Variants in CACHD1 observed in about 807,000 individuals in gnomAD.
The protein encoded by CACHD1 is cache domain containing 1, also known as VWFA and cache domain-containing protein 1.
CACHD1 carries 71 observed loss-of-function variants against 138.7 expected under a neutral mutation model. The observed-to-expected ratio is 0.51, with a 90% CI of 0.42 to 0.62. The LOEUF is 0.62. Among genes scored for constraint, CACHD1 ranks in the 20% least tolerant of loss-of-function variants. The pLI, the probability that CACHD1 is intolerant of heterozygous loss-of-function variation, is 0.00. For synonymous variants in CACHD1, 578 were observed against 591.5 expected, an observed-to-expected ratio of 0.98 and a Z score of 0.33; for missense variants, 1,389 against 1,625.3, an observed-to-expected ratio of 0.85 and a Z score of 2.50.
chr1:64,639,863 C>T (rs60191301), intron 7 of CACHD1, among the ~76,000 whole-genome samples: 24,127 of 152,200 alleles, frequency 0.16, 2,231 homozygotes, highest in East Asian at 0.31. Flanking sequence ...CACAGCATAG[C>T]TGGGTGCCTC....
chr1:64,575,398 A>G (rs1285999659), intron 2 of CACHD1, among the ~76,000 whole-genome samples: 1 of 152,234 alleles, frequency 6.6e-6, no homozygotes, highest in African/African-American at 2.4e-5. Flanking sequence ...TTCTACGAAG[A>G]ACTTCAGAAT....
intron 1 of CACHD1, among the ~76,000 whole-genome samples, chr1:64,514,599 A>G (rs956330014): frequency 6.6e-6 from 1 of 152,222 alleles, no homozygotes; most frequent in Non-Finnish European, 1.5e-5. Flanking sequence ...CCATAGGATC[A>G]TTGGTATTTA....
chr1:64,669,236 T>C (rs1328268861), intron 16 of CACHD1, among the ~76,000 whole-genome samples: 1 of 152,190 alleles, frequency 6.6e-6, no homozygotes, highest in East Asian at 1.9e-4. Flanking sequence ...ACTGATAGGA[T>C]GAGAATTAGA....
chr1:64,476,148 G>A (rs1353720118), intron 1 of CACHD1, among the ~76,000 whole-genome samples: 1 of 152,036 alleles, frequency 6.6e-6, no homozygotes, highest in Non-Finnish European at 1.5e-5. Flanking sequence ...ACACATGAAG[G>A]GTAGCCAAAT....
chr1:64,562,409 C>CTTT (rs55746551), intron 2 of CACHD1, among the ~76,000 whole-genome samples: 3 of 109,926 alleles, frequency 2.7e-5, no homozygotes, highest in African/African-American at 6.4e-5. Flanking sequence ...GCAGAATTTC[C>CTTT]TTTTTTTTTT....
At chr1:64,531,527 GTGTC>G (rs1193547300) in intron 1 of CACHD1, among the ~76,000 whole-genome samples, 3 of 131,288 alleles carry the variant, frequency 2.3e-5, no homozygotes, top group East Asian at 2.2e-4. Context: ...GTGTGTGTGT[GTGTC>G]TGTGTAGGGG....
chr1:64,543,866 CTTT>C (rs370129207), intron 1 of CACHD1, among the ~76,000 whole-genome samples: 47 of 77,508 alleles, frequency 6.1e-4, no homozygotes, highest in African/African-American at 2.1e-3. Context: ...CTTTTCAGTG[CTTT>C]TTTTTTTTTT....
chr1:64,618,462 G>A (rs1193284417), intron 4 of CACHD1, among the ~76,000 whole-genome samples: 1 of 152,106 alleles, frequency 6.6e-6, no homozygotes, highest in Non-Finnish European at 1.5e-5. Flanking sequence ...CTCTCATAGG[G>A]TTGTTGTAGT....
At chr1:64,627,326 G>A (rs898051986) in intron 4 of CACHD1, among the ~76,000 whole-genome samples, 1 of 152,116 alleles carries the variant, frequency 6.6e-6, no homozygotes, top group African/African-American at 2.4e-5. Context: ...AGGATCACTT[G>A]AGCCCAGGAG....
chr1:64,671,833 T>C (rs1649827278), intron 17 of CACHD1, 147 bp downstream of exon 17: 1 of 949,384 alleles, frequency 1.1e-6, no homozygotes, highest in Non-Finnish European at 1.6e-6. Context: ...AGGTTTTTGT[T>C]CTTTTTCTCT....
Position 64,691,514 on chromosome 1 carries a change from C to T in CACHD1, c.3778C>T (p.His1260Tyr), listed in dbSNP as rs1650556252. Residue 1260 changes from histidine (H) to tyrosine (Y), a missense_variant, in exon 27 of 27, where the codon CAC becomes TAC. By Grantham distance (83) the His-to-Tyr change is moderately conservative (BLOSUM62 2). Around this residue, in one of 5 missense-constraint regions of CACHD1, gnomAD observed 78 missense variants for 76.9 expected, o/e 1.01. Coordinates refer to ENST00000651257, the MANE Select transcript of CACHD1 (RefSeq NM_020925.4). ...SHHPTLHHSHHLQAAVTVHTV... is the reference protein window; with the variant it reads ...SHHPTLHHSHYLQAAVTVHTV... ...CCACCCTACACTTCATCATAGCCAC[C>T]ACTTACAGGCGGCCGTCACGGTACA... 2 of 1,614,078 alleles carry T rather than the reference C, an allele frequency of 1.2e-6. No homozygotes were observed. The highest frequency in any genetic ancestry group is 1.7e-6 in the Non-Finnish European group (2 of 1,179,996).
At chr1:64,545,641 C>T (rs539390120) in intron 1 of CACHD1, among the ~76,000 whole-genome samples, 47 of 152,254 alleles carry the variant, frequency 3.1e-4, no homozygotes, top group South Asian at 6.2e-4. Context: ...GGTGCTACTA[C>T]GAGTAGTTTT....
chr1:64,635,173 C>T (rs1229264455), intron 7 of CACHD1, among the ~76,000 whole-genome samples: 1 of 151,850 alleles, frequency 6.6e-6, no homozygotes, highest in Non-Finnish European at 1.5e-5. Context: ...TAGATCATGT[C>T]TGCACTTATG....
At chr1:64,681,760 C>A (rs1650199487) in intron 25 of CACHD1, among the ~76,000 whole-genome samples, 1 of 151,900 alleles carries the variant, frequency 6.6e-6, no homozygotes, top group Non-Finnish European at 1.5e-5. Context: ...TGTTAAGACA[C>A]CCTGGCCTTC....
intron 25 of CACHD1, 25 bp downstream of exon 25, chr1:64,681,360 A>G: frequency 6.4e-7 from 1 of 1,553,716 alleles, no homozygotes; most frequent in South Asian, 1.1e-5. Context: ...GCCTTGCTGC[A>G]GAATGTGTCA....
At position 64,500,770 on chromosome 1, in the gene CACHD1, G is replaced by A. The variant is rs533941327; in HGVS notation, c.198+29828G>A. ...AGAGAGAGAGAGAGAGAGAGAGTCC[G>A]GACGCGGTGGCTCATGCCTGTAATC... On this transcript the variant is annotated intron_variant, in intron 1 of 26. Coordinates refer to ENST00000651257, the MANE Select transcript of CACHD1 (RefSeq NM_020925.4). Among the ~76,000 whole-genome samples the A allele has an allele frequency of 2.7e-5, 4 of 148,132 alleles. No individual in the cohort carries two copies. The East Asian group carries it at 6.0e-4, about 22-fold the overall frequency.
At chr1:64,569,302 A>G (rs944665517) in intron 2 of CACHD1, among the ~76,000 whole-genome samples, 1 of 152,232 alleles carries the variant, frequency 6.6e-6, no homozygotes, top group African/African-American at 2.4e-5. Context: ...ATTTAAAAAT[A>G]TACACCTATG....
At chr1:64,601,848 G>T (rs975277464) in intron 3 of CACHD1, among the ~76,000 whole-genome samples, 1 of 152,150 alleles carries the variant, frequency 6.6e-6, no homozygotes, top group Non-Finnish European at 1.5e-5. Context: ...ATTTCAAGTT[G>T]CATTTATGTG....
At chr1:64,497,799 G>A (rs967646420) in intron 1 of CACHD1, among the ~76,000 whole-genome samples, 6 of 152,152 alleles carry the variant, frequency 3.9e-5, no homozygotes, top group Non-Finnish European at 8.8e-5. Flanking sequence ...CCTTTCCAGA[G>A]TCTTCCAACA....
Sources: gnomAD v4.1 joint callset for allele counts (sites outside exome capture counted in the v4.1 genomes callset) on GRCh38, gnomAD v4.1.1 for gene constraint, gnomAD v4.1.1 regional missense constraint, MANE v1.5 for transcripts, NCBI Gene and HGNC (gene_info 2026-07-23, HGNC 2026-07-21) for gene names.